CRPPA: variants seen among roughly 807,000 people sequenced by gnomAD.
CRPPA encodes D-ribitol-5-phosphate cytidylyltransferase.
A neutral mutation model predicts 52.0 loss-of-function variants in CRPPA; 43 were observed. The observed-to-expected ratio is 0.83, with a 90% CI of 0.65 to 1.07. The LOEUF is 1.07. Ranked by LOEUF, CRPPA falls within the 50% of genes least tolerant of loss-of-function variation. The probability of loss-of-function intolerance (pLI) is 0.00; values close to 1 mark genes in which losing one functional copy is unlikely to be tolerated. For missense variants in CRPPA, 629 were observed against 551.7 expected (o/e 1.14, Z -1.40); for synonymous variants, 250 against 203.5 (o/e 1.23, Z -1.94).
At chr7:16,381,691 T>C (rs978634913) in intron 2 of CRPPA, among the ~76,000 whole-genome samples, 8 of 151,774 alleles carry the variant, frequency 5.3e-5, no homozygotes, top group African/African-American at 1.9e-4. Context: ...TGGGTGCATA[T>C]ATATTTAGGA....
chr7:16,279,874 G>C (rs554710741), intron 5 of CRPPA, among the ~76,000 whole-genome samples: 1 of 152,184 alleles, frequency 6.6e-6, no homozygotes, highest in South Asian at 2.1e-4. Context: ...ACCAGAGACT[G>C]GGCAATTTAC....
At chr7:16,302,773 A>G (rs1784817918) in intron 4 of CRPPA, among the ~76,000 whole-genome samples, 3 of 152,190 alleles carry the variant, frequency 2.0e-5, no homozygotes, top group Admixed American at 6.5e-5. Context: ...GGCTCTAGTG[A>G]GCACAGTCTG....
At chr7:16,295,480 C>G (rs1784651853) in intron 5 of CRPPA, among the ~76,000 whole-genome samples, 1 of 151,854 alleles carries the variant, frequency 6.6e-6, no homozygotes, top group Admixed American at 6.6e-5. Context: ...TTTTGTAGCA[C>G]AAGTTTACTT....
intron 8 of CRPPA, among the ~76,000 whole-genome samples, chr7:16,251,069 G>A (rs1427732444): frequency 6.6e-6 from 1 of 151,954 alleles, no homozygotes; most frequent in Non-Finnish European, 1.5e-5. Flanking sequence ...AAAAGCAGGG[G>A]TTGCAATCCT....
chr7:16,097,721 G>A (rs2128362826), intron 9 of CRPPA, among the ~76,000 whole-genome samples: 1 of 152,218 alleles, frequency 6.6e-6, no homozygotes, highest in African/African-American at 2.4e-5. Context: ...TAAGCCTTTG[G>A]CAAACTTGTG....
chr7:16,187,037 CAT>C (rs1194623351), intron 9 of CRPPA, among the ~76,000 whole-genome samples: 1 of 152,248 alleles, frequency 6.6e-6, no homozygotes, highest in East Asian at 1.9e-4. Flanking sequence ...CTTTCAGATT[CAT>C]AGTCTCCATT....
chr7:16,260,724 G>GA (rs11368808), intron 6 of CRPPA, among the ~76,000 whole-genome samples: 58,752 of 148,610 alleles, frequency 0.4, 12,463 homozygotes, highest in Admixed American at 0.53. Flanking sequence ...TCTGAACTCA[G>GA]AAAAAAAAAA....
chr7:16,419,499 T>G (rs1324560965), intron 1 of CRPPA, among the ~76,000 whole-genome samples: 3 of 151,454 alleles, frequency 2.0e-5, no homozygotes, highest in Admixed American at 6.6e-5. Flanking sequence ...ACTAACAAAT[T>G]AGCTACAAGA....
chr7:16,092,071 C>T (rs1781848887), intron 9 of CRPPA, among the ~76,000 whole-genome samples: 1 of 152,192 alleles, frequency 6.6e-6, no homozygotes. Flanking sequence ...ATTATTTCCC[C>T]TTAATCCAAT....
At chr7:16,377,915 G>A (rs979634580) in intron 2 of CRPPA, among the ~76,000 whole-genome samples, 2 of 151,912 alleles carry the variant, frequency 1.3e-5, no homozygotes, top group Non-Finnish European at 2.9e-5. Flanking sequence ...CCAGAATACT[G>A]GGGCCCTGAT....
intron 8 of CRPPA, among the ~76,000 whole-genome samples, chr7:16,226,930 C>G (rs983369038): frequency 6.6e-6 from 1 of 151,788 alleles, no homozygotes; most frequent in Non-Finnish European, 1.5e-5. Flanking sequence ...TTTCCCTAAC[C>G]CTCTACTATC....
At chr7:16,267,418 T>G (rs1783983060) in intron 6 of CRPPA, among the ~76,000 whole-genome samples, 1 of 152,232 alleles carries the variant, frequency 6.6e-6, no homozygotes, top group Non-Finnish European at 1.5e-5. Context: ...AAGCTTACAG[T>G]TGATACTGAT....
chr7:16,295,278 C>T (rs1784648122), intron 5 of CRPPA, among the ~76,000 whole-genome samples: 1 of 151,964 alleles, frequency 6.6e-6, no homozygotes, highest in African/African-American at 2.4e-5. Context: ...TCTGAACCAA[C>T]AAGAATTTCA....
At chr7:16,411,980 T>G (rs1788085800) in intron 1 of CRPPA, among the ~76,000 whole-genome samples, 2 of 152,204 alleles carry the variant, frequency 1.3e-5, no homozygotes, top group South Asian at 4.1e-4. Context: ...GATGAAGAAT[T>G]AAGAGGCAGA....
At chr7:16,397,723 T>C (rs1006918983) in intron 2 of CRPPA, among the ~76,000 whole-genome samples, 20 of 152,024 alleles carry the variant, frequency 1.3e-4, no homozygotes, top group African/African-American at 4.8e-4. Context: ...CGACCAACGT[T>C]TGAGACATGT....
intron 4 of CRPPA, among the ~76,000 whole-genome samples, chr7:16,304,189 A>G (rs1278665669): frequency 2.6e-5 from 4 of 152,136 alleles, no homozygotes; most frequent in African/African-American, 4.8e-5. Context: ...GGCCTGTCAA[A>G]GCAAGACTAC....
At chr7:16,136,728 A>G (rs1226347199) in intron 9 of CRPPA, among the ~76,000 whole-genome samples, 1 of 152,244 alleles carries the variant, frequency 6.6e-6, no homozygotes, top group Non-Finnish European at 1.5e-5. Flanking sequence ...CCTGAGAGAA[A>G]GAAGGTGCCC....
In CRPPA at chr7:16,390,173, GTCT is replaced by G. The variant is rs1346226293; in HGVS notation, c.535-13935_535-13933del. On this transcript the variant is annotated intron_variant, in intron 2 of 9. Coordinates refer to ENST00000407010, the MANE Select transcript of CRPPA (RefSeq NM_001101426.4). ...CCTCTCAAATACGTCTCTACATTTA[GTCT>G]TCTTCTTTCTGTCCTGCCTCCTCAA... is the stretch of plus-strand genomic sequence containing the variant. Among the ~76,000 whole-genome samples, 22 of 151,686 alleles carry G rather than the reference GTCT, an allele frequency of 1.5e-4. No individual in the cohort carries two copies. In the East Asian group the frequency reaches 3.7e-3, roughly 25 times the overall value.
chr7:16,327,666 T>C (rs1253684872), intron 3 of CRPPA, among the ~76,000 whole-genome samples: 1 of 150,144 alleles, frequency 6.7e-6, no homozygotes, highest in Non-Finnish European at 1.5e-5. Flanking sequence ...GAGATACACA[T>C]GCTCTTCCCA....
Sources: gnomAD v4.1 joint callset for allele counts (sites outside exome capture counted in the v4.1 genomes callset) on GRCh38, gnomAD v4.1.1 for gene constraint, MANE v1.5 for transcripts, NCBI Gene and HGNC (gene_info 2026-07-23, HGNC 2026-07-21) for gene names.